Variants in STRADB observed in about 807,000 individuals in gnomAD.
STRADB encodes STE20-related kinase adapter protein beta.
Under a neutral mutation model 52.1 loss-of-function variants are expected in STRADB, and 34 were observed. That is an observed-to-expected ratio of 0.65 (90% CI 0.50 to 0.87). The LOEUF is 0.87. STRADB is among the 40% of genes least tolerant of loss of function. The pLI is 0.00. For synonymous variants in STRADB, 133 were observed against 174.5 expected, an observed-to-expected ratio of 0.76 and a Z score of 1.87; for missense variants, 340 against 483.9, an observed-to-expected ratio of 0.70 and a Z score of 2.79.
intron 4 of STRADB, among the ~76,000 whole-genome samples, chr2:201,471,555 A>T (rs1952388832): frequency 6.6e-6 from 1 of 152,194 alleles, no homozygotes; most frequent in Admixed American, 6.5e-5. Flanking sequence ...GCAGATGAGG[A>T]TACCGAGGCT....
chr2:201,480,480 T>G lies in STRADB; in HGVS notation c.*305T>G. The G allele has an allele frequency of 3.7e-6, 4 of 1,089,086 alleles. No homozygotes were observed. Among genetic ancestry groups the G allele is most frequent in the Non-Finnish European group, 4.5e-6 (4 of 894,864 alleles). The allele number at this position is 1,089,086 out of a possible 1,614,324, so 67.5% of individuals were successfully genotyped here. A position where few individuals can be genotyped will look rare whatever the true frequency, so the allele number is the denominator to read the frequency against. On this transcript the variant is annotated 3_prime_UTR_variant, in exon 12 of 12. Coordinates refer to ENST00000194530, the MANE Select transcript of STRADB (RefSeq NM_018571.6). ...AATATAATTTTTGAGCCAGTTAATT[T>G]TTTTCAGTATTTTGCTGTCCCTTGG...
At chr2:201,469,805 T>TACCAATTAAA in intron 3 of STRADB, 148 bp from the exon 4 acceptor site, 1 of 584,542 alleles carries the variant, frequency 1.7e-6, no homozygotes, top group Non-Finnish European at 3.1e-6. Flanking sequence ...AAATTCATTT[T>TACCAATTAAA]AGATCTTAAA....
intron 4 of STRADB, among the ~76,000 whole-genome samples, chr2:201,472,249 C>T (rs1451508324): frequency 2.0e-5 from 3 of 152,120 alleles, no homozygotes; most frequent in Non-Finnish European, 2.9e-5. Context: ...CAATCTCACT[C>T]GCAGATATTT....
intron 7 of STRADB, 138 bp downstream of exon 7, chr2:201,475,880 CATTAGGT>C: frequency 2.3e-6 from 2 of 882,652 alleles, no homozygotes; most frequent in Non-Finnish European, 3.4e-6. Context: ...AGGAAGGGAC[CATTAGGT>C]GCAGTGGATT....
chr2:201,464,046 G>A (rs1159237576), intron 3 of STRADB, among the ~76,000 whole-genome samples: 2 of 152,076 alleles, frequency 1.3e-5, no homozygotes, highest in Non-Finnish European at 2.9e-5. Flanking sequence ...CTGTCTGGAA[G>A]GTCACGTATC....
At chr2:201,463,362 C>T (rs1436308216) in intron 3 of STRADB, among the ~76,000 whole-genome samples, 2 of 149,458 alleles carry the variant, frequency 1.3e-5, no homozygotes, top group African/African-American at 2.5e-5. Flanking sequence ...TTTCCTTCAG[C>T]ACTTTAAATA....
chr2:201,469,280 T>C (rs2023501), intron 3 of STRADB, among the ~76,000 whole-genome samples: 151,438 of 152,326 alleles, frequency 0.99, 75,284 homozygotes, highest in East Asian at 1. Context: ...ACCCTCATGG[T>C]TATCATATGA....
chr2:201,460,993 C>T (rs1441062351), intron 3 of STRADB, among the ~76,000 whole-genome samples: 2 of 150,226 alleles, frequency 1.3e-5, no homozygotes, highest in South Asian at 2.1e-4. Flanking sequence ...TCACCAACAG[C>T]ATATGAGGAT....
intron 3 of STRADB, among the ~76,000 whole-genome samples, chr2:201,462,357 G>T (rs1952228988): frequency 6.6e-6 from 1 of 152,100 alleles, no homozygotes; most frequent in Non-Finnish European, 1.5e-5. Context: ...AATCGATTCA[G>T]CTACTCTATG....
Position 201,461,386 on chromosome 2 carries a change from C to T in STRADB, c.93+2522C>T, listed in dbSNP as rs558564863. Reference sequence around the variant, plus strand: ...AGAGGTCTCACTATGTTGACCAGGCCGATCTTGAACTCCTAGCCTCAAGTG... The same window carrying T: ...AGAGGTCTCACTATGTTGACCAGGCTGATCTTGAACTCCTAGCCTCAAGTG... On this transcript the variant is annotated intron_variant, in intron 3 of 11. Transcript: ENST00000194530. Among the ~76,000 whole-genome samples, 7 of 152,120 alleles carry T rather than the reference C, an allele frequency of 4.6e-5. No homozygotes were observed. The South Asian group carries it at 1.2e-3, about 27-fold the overall frequency.
chr2:201,454,328 C>A (rs1417180387), intron 1 of STRADB, among the ~76,000 whole-genome samples: 3 of 152,062 alleles, frequency 2.0e-5, no homozygotes, highest in African/African-American at 7.2e-5. Flanking sequence ...ATATGTGGAA[C>A]CATTGAAAAT....
intron 2 of STRADB, among the ~76,000 whole-genome samples, chr2:201,458,068 G>A (rs1952154555): frequency 6.6e-6 from 1 of 151,808 alleles, no homozygotes; most frequent in Non-Finnish European, 1.5e-5. Context: ...AAGTTATCTT[G>A]TTATAAAAGC....
intron 7 of STRADB, among the ~76,000 whole-genome samples, chr2:201,477,411 TGC>T (rs1358068857): frequency 1.3e-5 from 2 of 152,164 alleles, no homozygotes; most frequent in Non-Finnish European, 1.5e-5. Flanking sequence ...CTTGTGTTGG[TGC>T]TGTAGTAAGT....
intron 2 of STRADB, among the ~76,000 whole-genome samples, chr2:201,458,513 T>C (rs1018048594): frequency 4.6e-5 from 7 of 152,318 alleles, no homozygotes; most frequent in African/African-American, 1.4e-4. Flanking sequence ...AAATGAATTA[T>C]TATGACATCA....
Position 201,475,759 on chromosome 2 carries a change from A to G in STRADB, c.548+17A>G. 6.4e-7 allele frequency: 1 copy of G among 1,574,352 alleles called. No homozygotes were observed. Among genetic ancestry groups the G allele is most frequent in the East Asian group, 2.3e-5 (1 of 43,756 alleles). On this transcript the variant is annotated intron_variant, in intron 7 of 11. Coordinates refer to ENST00000194530, the MANE Select transcript of STRADB (RefSeq NM_018571.6). ...TATTCACAGGTATTTACTTATTTGT[A>G]TTTATTAAATGAAATAATTTTAATG...
intron 6 of STRADB, 37 bp from the exon 7 acceptor site, chr2:201,475,582 T>G: frequency 6.2e-7 from 1 of 1,611,224 alleles, no homozygotes. Flanking sequence ...AAAATCACTT[T>G]CAATGTTCAT....
chr2:201,453,951 A>G (rs375012114), intron 1 of STRADB, among the ~76,000 whole-genome samples: 1 of 152,224 alleles, frequency 6.6e-6, no homozygotes. Context: ...TTCTTTAGCA[A>G]TAAAATTGGA....
At chr2:201,469,027 T>A (rs1952349632) in intron 3 of STRADB, among the ~76,000 whole-genome samples, 1 of 152,240 alleles carries the variant, frequency 6.6e-6, no homozygotes, top group African/African-American at 2.4e-5. Flanking sequence ...TCAGCCTTAT[T>A]TATCTTTAGC....
In STRADB at chr2:201,475,619, G is replaced by A. The variant is rs755406826; in HGVS notation, c.425G>A (p.Gly142Asp). The A allele has an allele frequency of 6.2e-7, 1 of 1,611,768 alleles. No homozygotes were observed. The highest frequency in any genetic ancestry group is 1.1e-5 in the South Asian group (1 of 90,954). The change falls in exon 7 of 12, where the codon GGT becomes GAT. Residue 142 changes from glycine (G) to aspartate (D), a missense_variant and splice_region_variant. Physicochemically the swap from Gly to Asp is moderately conservative, Grantham distance 94. Transcript: ENST00000194530. ...LWVISPFMAYGSASQLLRTYF... is the reference protein window; with the variant it reads ...LWVISPFMAYDSASQLLRTYF... ...TAAGGATTTTAGGGGTTTCTTTCAG[G>A]TTCAGCAAGTCAACTCTTGAGGACC...
Sources: allele counts gnomAD v4.1 joint callset (sites outside exome capture counted in the v4.1 genomes callset), GRCh38; gene constraint gnomAD v4.1.1; transcripts MANE v1.5; gene names NCBI Gene and HGNC (gene_info 2026-07-23, HGNC 2026-07-21).